Variants in DPT observed in about 807,000 individuals in gnomAD.
The protein encoded by DPT is dermatopontin.
In DPT, 21 loss-of-function variants were observed where a neutral mutation model predicts 31.2. The ratio of observed to expected loss-of-function variants is 0.67; its 90% CI spans 0.48 to 0.97. The LOEUF (loss-of-function observed/expected upper bound fraction) is 0.97. DPT is among the 50% of genes least tolerant of loss of function. The probability of loss-of-function intolerance (pLI) is 0.00; values close to 1 mark genes in which losing one functional copy is unlikely to be tolerated. For missense variants in DPT, 262 were observed against 258.8 expected, an observed-to-expected ratio of 1.01 and a Z score of -0.08; for synonymous variants, 91 against 86.9, an observed-to-expected ratio of 1.05 and a Z score of -0.26.
chr1:168,714,116 T>G, intron 2 of DPT, 105 bp downstream of exon 2: 1 of 1,505,934 alleles, frequency 6.6e-7, no homozygotes, highest in South Asian at 1.2e-5. Flanking sequence ...CAGCGCTGCC[T>G]TCCAGGCTTG....
At chr1:168,723,904 C>T (rs965608248) in intron 1 of DPT, among the ~76,000 whole-genome samples, 7 of 152,066 alleles carry the variant, frequency 4.6e-5, no homozygotes, top group African/African-American at 1.7e-4. Context: ...TTCATGTATA[C>T]TCTTCACCCA....
At chr1:168,716,583 A>G (rs1649991483) in intron 1 of DPT, among the ~76,000 whole-genome samples, 1 of 152,108 alleles carries the variant, frequency 6.6e-6, no homozygotes, top group Non-Finnish European at 1.5e-5. Context: ...ACAAGTACAG[A>G]ATGTACAGGT....
intron 1 of DPT, among the ~76,000 whole-genome samples, chr1:168,721,632 T>G (rs1650116177): frequency 6.6e-6 from 1 of 152,148 alleles, no homozygotes; most frequent in Admixed American, 6.5e-5. Context: ...CCTTCAAAGA[T>G]CCTTCCTTTC....
intron 1 of DPT, among the ~76,000 whole-genome samples, chr1:168,721,492 G>A (rs773007922): frequency 3.3e-5 from 5 of 152,120 alleles, no homozygotes; most frequent in African/African-American, 7.2e-5. Context: ...TCCTAGTCAC[G>A]AAACATCACT....
intron 2 of DPT, among the ~76,000 whole-genome samples, chr1:168,707,716 A>G (rs572291147): frequency 2.0e-5 from 3 of 152,254 alleles, no homozygotes; most frequent in Admixed American, 2.0e-4. Flanking sequence ...CATGATCGTG[A>G]GTGAGTTCTC....
chr1:168,699,088 T>C (rs898864362), intron 3 of DPT, among the ~76,000 whole-genome samples: 18 of 152,330 alleles, frequency 1.2e-4, no homozygotes, highest in African/African-American at 4.3e-4. Flanking sequence ...AAAACTGAAT[T>C]GAGCATTTTA....
intron 1 of DPT, among the ~76,000 whole-genome samples, chr1:168,727,697 C>T (rs1650281674): frequency 9.0e-6 from 1 of 110,604 alleles, no homozygotes; most frequent in South Asian, 2.6e-4. Flanking sequence ...TGCAACTACA[C>T]CGGGCTAATT....
intron 2 of DPT, among the ~76,000 whole-genome samples, chr1:168,705,471 T>G (rs1649699491): frequency 6.6e-6 from 1 of 152,000 alleles, no homozygotes; most frequent in Admixed American, 6.6e-5. Flanking sequence ...CTCCCTACCA[T>G]AAAAACTGGA....
At chr1:168,699,881 G>C (rs1219336214) in intron 3 of DPT, among the ~76,000 whole-genome samples, 1 of 152,142 alleles carries the variant, frequency 6.6e-6, no homozygotes, top group Non-Finnish European at 1.5e-5. Context: ...TTAATAGGGA[G>C]TACAATTCTT....
chr1:168,728,866 T>A lies in DPT; in HGVS notation c.305+4A>T. On this transcript the variant is annotated splice_donor_region_variant and intron_variant, in intron 1 of 3. Transcript: ENST00000367817. ...CCCAGTGCAGTGCAGGGACTGGCCC[T>A]TACCATTCCATGCCAGCCCTGTTGA... 6.2e-7 allele frequency: 1 copy of A among 1,613,950 alleles called. No homozygotes were observed. The highest frequency in any genetic ancestry group is 8.5e-7 in the Non-Finnish European group (1 of 1,179,868).
At chr1:168,725,330 C>T (rs1185960721) in intron 1 of DPT, among the ~76,000 whole-genome samples, 3 of 150,250 alleles carry the variant, frequency 2.0e-5, no homozygotes, top group Admixed American at 6.7e-5. Flanking sequence ...CCTTCCTTCT[C>T]TCTCTCTCTT....
At chr1:168,728,565 G>A (rs901677436) in intron 1 of DPT, among the ~76,000 whole-genome samples, 2 of 151,908 alleles carry the variant, frequency 1.3e-5, no homozygotes, top group African/African-American at 4.8e-5. Flanking sequence ...AGTCTGGTAA[G>A]CAAGCTTCTC....
At chr1:168,697,000 A>T (rs1421767578) in intron 3 of DPT, among the ~76,000 whole-genome samples, 1 of 152,104 alleles carries the variant, frequency 6.6e-6, no homozygotes, top group Admixed American at 6.6e-5. Flanking sequence ...GGTAGCTAAC[A>T]CCTGCAATCC....
At chr1:168,708,094 A>G (rs1649763358) in intron 2 of DPT, among the ~76,000 whole-genome samples, 1 of 152,190 alleles carries the variant, frequency 6.6e-6, no homozygotes, top group South Asian at 2.1e-4. Flanking sequence ...TCACCTCTAG[A>G]TTACGTATAA....
chr1:168,728,569 G>A (rs1297326484), intron 1 of DPT, among the ~76,000 whole-genome samples: 1 of 151,926 alleles, frequency 6.6e-6, no homozygotes, highest in African/African-American at 2.4e-5. Context: ...TGGTAAGCAA[G>A]CTTCTCGCCG....
chr1:168,705,520 G>A (rs1649700922), intron 2 of DPT, among the ~76,000 whole-genome samples: 1 of 152,012 alleles, frequency 6.6e-6, no homozygotes, highest in East Asian at 1.9e-4. Flanking sequence ...GATCAGAACG[G>A]GTACCTGAGG....
chr1:168,696,311 T>C lies in DPT; in HGVS notation c.*238A>G, dbSNP rs1649465368. 4 of 578,514 alleles carry C rather than the reference T, an allele frequency of 6.9e-6. No individual in the cohort carries two copies. Among genetic ancestry groups the C allele is most frequent in the Non-Finnish European group, 1.2e-5 (4 of 328,560 alleles). The allele number at this position is 578,514 out of a possible 1,614,324, so 35.8% of individuals were successfully genotyped here. On this transcript the variant is annotated 3_prime_UTR_variant, in exon 4 of 4. Coordinates refer to ENST00000367817, the MANE Select transcript of DPT (RefSeq NM_001937.5). ...TGTGCAAGGAAGCCATCATCAGTCA[T>C]ATAAAGCAGTTGCTATGAAACATGT...
intron 2 of DPT, among the ~76,000 whole-genome samples, chr1:168,712,734 G>A (rs1394545448): frequency 6.6e-6 from 1 of 152,084 alleles, no homozygotes; most frequent in Non-Finnish European, 1.5e-5. Flanking sequence ...CATTTTTAGG[G>A]TTCAACACAA....
chr1:168,727,539 CTTTT>C (rs3076492), intron 1 of DPT, among the ~76,000 whole-genome samples: 5 of 128,114 alleles, frequency 3.9e-5, no homozygotes, highest in Non-Finnish European at 6.6e-5. Flanking sequence ...TTTCTATTTT[CTTTT>C]TTTTTTTTTT....
Sources: allele counts gnomAD v4.1 joint callset (sites outside exome capture counted in the v4.1 genomes callset), GRCh38; gene constraint gnomAD v4.1.1; transcripts MANE v1.5; gene names NCBI Gene and HGNC (gene_info 2026-07-23, HGNC 2026-07-21).